The following PPP1R2 variants were observed in gnomAD, a reference collection of about 807,000 sequenced individuals.
The protein encoded by PPP1R2 is protein phosphatase inhibitor 2.
PPP1R2 carries 16 observed loss-of-function variants against 29.9 expected under a neutral mutation model. The ratio of observed to expected loss-of-function variants is 0.53; its 90% confidence interval spans 0.36 to 0.81. The LOEUF (loss-of-function observed/expected upper bound fraction) is 0.81, where lower values mean the gene tolerates loss of function less well. PPP1R2 is among the 30% of genes least tolerant of loss of function. The pLI, the probability that PPP1R2 is intolerant of heterozygous loss-of-function variation, is 0.00. For missense variants in PPP1R2, 197 were observed against 252.7 expected (o/e 0.78, Z 1.49); for synonymous variants, 76 against 91.5 (o/e 0.83, Z 0.96).
intron 2 of PPP1R2, 192 bp downstream of exon 2, chr3:195,529,602 G>T (rs1041057675): frequency 6.6e-6 from 3 of 457,198 alleles, no homozygotes; most frequent in African/African-American, 6.1e-5. Flanking sequence ...TGTACAAAAT[G>T]GCTTTCTTAA....
At chr3:195,524,082 T>C (rs1241923960) in intron 3 of PPP1R2, among the ~76,000 whole-genome samples, 2 of 150,148 alleles carry the variant, frequency 1.3e-5, no homozygotes, top group Admixed American at 6.6e-5. Context: ...AACAAGGCCC[T>C]GTCTCAAAAA....
chr3:195,525,373 T>G (rs1264344582), intron 2 of PPP1R2, among the ~76,000 whole-genome samples: 1 of 152,196 alleles, frequency 6.6e-6, no homozygotes, highest in Non-Finnish European at 1.5e-5. Context: ...AATGCCATTT[T>G]ATATCAGAGA....
chr3:195,537,702 T>C (rs560836698), intron 1 of PPP1R2, among the ~76,000 whole-genome samples: 52 of 84,044 alleles, frequency 6.2e-4, no homozygotes, highest in Admixed American at 2.4e-3. Flanking sequence ...TGCCATTTAG[T>C]TTACTTTCTT....
At chr3:195,535,195 G>C (rs981026585) in intron 1 of PPP1R2, among the ~76,000 whole-genome samples, 2 of 152,186 alleles carry the variant, frequency 1.3e-5, no homozygotes, top group African/African-American at 4.8e-5. Context: ...GGGCGACCTA[G>C]AGCCCGCGCA....
chr3:195,527,687 T>G (rs1719023150), intron 2 of PPP1R2: 1 of 158,200 alleles, frequency 6.3e-6, no homozygotes, highest in African/African-American at 2.4e-5. Context: ...GATTTTGGAT[T>G]CTGGTACAAT....
At chr3:195,530,164 A>G (rs1385358135) in intron 1 of PPP1R2, among the ~76,000 whole-genome samples, 2 of 152,352 alleles carry the variant, frequency 1.3e-5, no homozygotes, top group African/African-American at 4.8e-5. Flanking sequence ...TCAAAACATT[A>G]CCATACTATG....
intron 1 of PPP1R2, among the ~76,000 whole-genome samples, chr3:195,534,809 T>A (rs1253811733): frequency 6.6e-6 from 1 of 152,206 alleles, no homozygotes; most frequent in Non-Finnish European, 1.5e-5. Flanking sequence ...TGTGACTGTG[T>A]CAGCCACCTG....
chr3:195,518,972 C>T, intron 5 of PPP1R2, 46 bp downstream of exon 5: 1 of 1,605,700 alleles, frequency 6.2e-7, no homozygotes. Flanking sequence ...TTATCTTAGG[C>T]ATAGACCATT....
chr3:195,521,778 G>T (rs1718772959), intron 4 of PPP1R2, among the ~76,000 whole-genome samples: 1 of 152,008 alleles, frequency 6.6e-6, no homozygotes, highest in African/African-American at 2.4e-5. Flanking sequence ...AGCCTCCCGA[G>T]TAGCTGGGAT....
chr3:195,543,145 G>C lies in PPP1R2; in HGVS notation c.-120C>G, dbSNP rs1373287287. On this transcript the variant is annotated 5_prime_UTR_variant, in exon 1 of 6. Coordinates refer to ENST00000618156, the MANE Select transcript of PPP1R2 (RefSeq NM_006241.8). ...GATCCCGCTCAGGGCTAAAGCGGCCGCAACTGCTGCCTCGGAAACGGCTAC... is the reference window on the plus strand; with the variant it reads ...GATCCCGCTCAGGGCTAAAGCGGCCCCAACTGCTGCCTCGGAAACGGCTAC... 6 of 1,298,202 alleles carry C rather than the reference G, an allele frequency of 4.6e-6. No individual in the cohort carries two copies. The African/African-American group carries it at 7.7e-5, about 17-fold the overall frequency. 80.4% of individuals were successfully genotyped at this position (1,298,202 alleles called of 1,614,324 possible).
At chr3:195,531,583 C>T (rs34907067) in intron 1 of PPP1R2, among the ~76,000 whole-genome samples, 53,889 of 152,034 alleles carry the variant, frequency 0.35, 10,588 homozygotes, top group East Asian at 0.82. Flanking sequence ...CCCACAGTGT[C>T]CCCATTTCGG....
chr3:195,523,521 C>T (rs1247574305), intron 4 of PPP1R2, among the ~76,000 whole-genome samples, 171 bp downstream of exon 4: 1 of 152,138 alleles, frequency 6.6e-6, no homozygotes, highest in Admixed American at 6.5e-5. Flanking sequence ...GGGTAAAAAA[C>T]TATTACACAA....
At chr3:195,530,544 G>C (rs544282208) in intron 1 of PPP1R2, among the ~76,000 whole-genome samples, 2 of 152,278 alleles carry the variant, frequency 1.3e-5, no homozygotes, top group African/African-American at 2.4e-5. Context: ...GTTTTGTTTT[G>C]AGACGGAGTC....
rs541227640 is a variant in PPP1R2 at position 195,518,607 on chromosome 3, C to A, written c.571+411G>T. Among the ~76,000 whole-genome samples the A allele has an allele frequency of 3.1e-4, 46 of 150,628 alleles. No homozygotes were observed. The Middle Eastern group carries it at 0.014, about 45-fold the overall frequency. On this transcript the variant is annotated intron_variant, in intron 5 of 5. Coordinates refer to ENST00000618156, the MANE Select transcript of PPP1R2 (RefSeq NM_006241.8). ...CGGAGCTTGCAGTGAGCCGAGATCA[C>A]GCCACTGCACTCCAGCCTGGGTGAC...
In PPP1R2 at chr3:195,524,886, C is replaced by T. The variant is rs1165032074; in HGVS notation, c.241G>A (p.Asp81Asn). ...PSTPYHSMMGDDEDACSDTEA... is the reference protein window; with the variant it reads ...PSTPYHSMMGNDEDACSDTEA... ...GTGTCACTACAGGCATCTTCATCAT[C>T]CCCCATCATACTAGTATGACAAGCA... Residue 81 changes from aspartate (D) to asparagine (N), a missense_variant, in exon 3 of 6, where the codon GAT (aspartate) becomes AAT (asparagine). This residue lies in a region of PPP1R2 where 135 missense variants were observed against 163.0 expected (regional missense o/e 0.83). Transcript: ENST00000618156. The T allele has an allele frequency of 6.2e-7, 1 of 1,613,978 alleles. No individual in the cohort carries two copies. Among genetic ancestry groups the T allele is most frequent in the Admixed American group, 1.7e-5 (1 of 60,020 alleles).
At position 195,515,691 on chromosome 3, in the gene PPP1R2, G is replaced by C. The variant is rs1207187072; in HGVS notation, c.*1205C>G. On this transcript the variant is annotated 3_prime_UTR_variant, in exon 6 of 6. Transcript: ENST00000618156. ...ACAATGTCCAGGCTTACTTCTGTCT[G>C]TACATTCAGGAATAATCATATCACT... The C allele has an allele frequency of 6.6e-6, 1 of 152,058 alleles. No homozygotes were observed. The highest frequency in any genetic ancestry group is 2.4e-5 in the African/African-American group (1 of 41,414). 9.4% of individuals were successfully genotyped at this position (152,058 alleles called of 1,614,324 possible).
rs138544916 is a variant in PPP1R2, at chr3:195,540,706, C to A, written c.122+2198G>T. On this transcript the variant is annotated intron_variant, in intron 1 of 5. Coordinates refer to ENST00000618156, the MANE Select transcript of PPP1R2 (RefSeq NM_006241.8). ...GAAGAGGAAGAGAGACCTGAGCTGG[C>A]ACGCTCAGCTTCCTTGCCATGTGAT... is the stretch of plus-strand genomic sequence containing the variant. 2.5e-3 allele frequency among the ~76,000 whole-genome samples: 380 copies of A among 152,232 alleles called. 3 individuals carry two copies. The highest frequency in any genetic ancestry group is 8.9e-3 in the African/African-American group (368 of 41,506).
chr3:195,537,812 T>A (rs545770576), intron 1 of PPP1R2, among the ~76,000 whole-genome samples: 2 of 151,908 alleles, frequency 1.3e-5, no homozygotes, highest in African/African-American at 4.8e-5. Flanking sequence ...ATTATTCAGA[T>A]CCAAAAAAAG....
intron 1 of PPP1R2, among the ~76,000 whole-genome samples, chr3:195,536,358 G>A (rs1393000502): frequency 6.6e-6 from 1 of 151,032 alleles, no homozygotes; most frequent in Non-Finnish European, 1.5e-5. Context: ...CCCAGCCAGT[G>A]TGTGCTTTAG....
Sources: allele counts gnomAD v4.1 joint callset (sites outside exome capture counted in the v4.1 genomes callset), GRCh38; gene constraint gnomAD v4.1.1; regional missense constraint gnomAD v4.1.1; transcripts MANE v1.5; gene names NCBI Gene and HGNC (gene_info 2026-07-23, HGNC 2026-07-21).